GRAMD1C: variants seen among roughly 807,000 people sequenced by gnomAD.
GRAMD1C encodes GRAM domain containing 1C, also known as protein Aster-C.
GRAMD1C carries 89 observed loss-of-function variants against 97.8 expected under a neutral mutation model. That is an observed-to-expected ratio of 0.91 (90% CI 0.77 to 1.09). GRAMD1C has a LOEUF of 1.09. Among genes scored for constraint, GRAMD1C ranks in the 50% least tolerant of loss-of-function variants. The pLI is 0.00. For synonymous variants in GRAMD1C, 256 were observed against 267.0 expected, an observed-to-expected ratio of 0.96 and a Z score of 0.40; for missense variants, 740 against 766.4, an observed-to-expected ratio of 0.97 and a Z score of 0.41.
At chr3:113,925,743 C>T (rs1243760222) in intron 10 of GRAMD1C, among the ~76,000 whole-genome samples, 1 of 152,074 alleles carries the variant, frequency 6.6e-6, no homozygotes, top group African/African-American at 2.4e-5. Context: ...TGTTTAGCAC[C>T]ACCTTGAAGA....
chr3:113,862,818 A>G (rs978396226), intron 2 of GRAMD1C, among the ~76,000 whole-genome samples: 9 of 152,170 alleles, frequency 5.9e-5, no homozygotes, highest in Admixed American at 5.9e-4. Context: ...AATCTTCACA[A>G]TTTATGTTCT....
chr3:113,885,805 A>G (rs1199494807), intron 6 of GRAMD1C: 26 of 1,610,250 alleles, frequency 1.6e-5, no homozygotes, highest in Middle Eastern at 4.0e-4. Context: ...AGCTACATCA[A>G]GGACCTCTCT....
intron 5 of GRAMD1C, 49 bp downstream of exon 5, chr3:113,876,309 C>G (rs2712350): frequency 1 from 935,649 of 939,808 alleles, 465,873 homozygotes; most frequent in East Asian, 1. Context: ...AAGAAAATCT[C>G]CCTCATACTC....
intron 6 of GRAMD1C, among the ~76,000 whole-genome samples, chr3:113,884,140 T>A (rs932388375): frequency 1.3e-5 from 2 of 152,178 alleles, no homozygotes; most frequent in Admixed American, 1.3e-4. Context: ...CACCAAACAG[T>A]AGCAGAATAT....
At position 113,869,500 on chromosome 3, in the gene GRAMD1C, G is replaced by T. The variant is rs760278065; in HGVS notation, c.175-7G>T. On this transcript the variant is annotated splice_region_variant and splice_polypyrimidine_tract_variant and intron_variant, in intron 2 of 17. Transcript: ENST00000358160. ...TAGACAGAAATGTAATCTTTTTATT[G>T]TTGCAGATTTCAAGTTCCACCTATA... The T allele has an allele frequency of 3.8e-6, 5 of 1,324,366 alleles. No individual in the cohort carries two copies. In the South Asian group the frequency reaches 6.3e-5, roughly 17 times the overall value. 82.0% of individuals were successfully genotyped at this position (1,324,366 alleles called of 1,614,324 possible).
intron 5 of GRAMD1C, among the ~76,000 whole-genome samples, chr3:113,877,909 C>T (rs962814190): frequency 6.6e-6 from 1 of 152,052 alleles, no homozygotes; most frequent in Non-Finnish European, 1.5e-5. Context: ...TCCCAAGTAG[C>T]TGGGATTACA....
At chr3:113,877,038 G>T (rs1358332025) in intron 5 of GRAMD1C, among the ~76,000 whole-genome samples, 1 of 151,960 alleles carries the variant, frequency 6.6e-6, no homozygotes, top group Admixed American at 6.6e-5. Context: ...TTTAGAGACA[G>T]GGTCTTGCCA....
At chr3:113,840,591 A>G (rs956808726) in intron 1 of GRAMD1C, among the ~76,000 whole-genome samples, 3 of 152,156 alleles carry the variant, frequency 2.0e-5, no homozygotes, top group African/African-American at 7.2e-5. Context: ...AATAAAAAAA[A>G]AAAAGAAAGA....
intron 5 of GRAMD1C, among the ~76,000 whole-genome samples, chr3:113,877,413 A>ACAGACT (rs1935089319): frequency 1.3e-5 from 2 of 152,166 alleles, no homozygotes; most frequent in Admixed American, 1.3e-4. Flanking sequence ...TTTATAGCAA[A>ACAGACT]CAGACTCAGT....
At chr3:113,898,403 A>C (rs1297606315) in intron 6 of GRAMD1C, among the ~76,000 whole-genome samples, 2 of 152,144 alleles carry the variant, frequency 1.3e-5, no homozygotes, top group African/African-American at 4.8e-5. Context: ...AAGACACTAA[A>C]ATATTTCAAA....
chr3:113,917,606 G>A (rs1378690286), intron 10 of GRAMD1C, among the ~76,000 whole-genome samples: 1 of 151,918 alleles, frequency 6.6e-6, no homozygotes, highest in Non-Finnish European at 1.5e-5. Context: ...ACAAGAATGA[G>A]CCACTGCACC....
intron 10 of GRAMD1C, among the ~76,000 whole-genome samples, chr3:113,920,991 G>A (rs2107349084): frequency 6.6e-6 from 1 of 152,292 alleles, no homozygotes; most frequent in South Asian, 2.1e-4. Context: ...GGAGTTTGGT[G>A]TACAGATTAG....
At chr3:113,829,451 C>T (rs1173719199) in intron 1 of GRAMD1C, among the ~76,000 whole-genome samples, 1 of 152,068 alleles carries the variant, frequency 6.6e-6, no homozygotes, top group African/African-American at 2.4e-5. Flanking sequence ...CTCAAGAAAC[C>T]CTCCAAAACC....
upstream of GRAMD1C, among the ~76,000 whole-genome samples, chr3:113,838,011 A>T: frequency 6.6e-6 from 1 of 152,254 alleles, no homozygotes; most frequent in Non-Finnish European, 1.5e-5. Flanking sequence ...GCAGCCTCCA[A>T]GTAGCAGGTG....
chr3:113,841,054 A>C (rs968006981), intron 1 of GRAMD1C, among the ~76,000 whole-genome samples: 1 of 152,208 alleles, frequency 6.6e-6, no homozygotes, highest in South Asian at 2.1e-4. Flanking sequence ...TGAACAGAAC[A>C]TATTAGCCAA....
intron 6 of GRAMD1C, among the ~76,000 whole-genome samples, chr3:113,898,803 A>G (rs1936034892): frequency 6.6e-6 from 1 of 152,112 alleles, no homozygotes. Context: ...AGATAATTGG[A>G]TATTTTTGAC....
intron 6 of GRAMD1C, among the ~76,000 whole-genome samples, chr3:113,899,421 G>A (rs1936061374): frequency 1.3e-5 from 2 of 151,578 alleles, no homozygotes; most frequent in Admixed American, 6.6e-5. Flanking sequence ...ATTATATCTT[G>A]TCATATAACT....
At chr3:113,921,050 T>G (rs961343092) in intron 10 of GRAMD1C, among the ~76,000 whole-genome samples, 1 of 152,162 alleles carries the variant, frequency 6.6e-6, no homozygotes, top group African/African-American at 2.4e-5. Context: ...GTTTTCAGTC[T>G]TTACCCTCCT....
chr3:113,901,607 T>C lies in GRAMD1C; in HGVS notation c.656+461T>C, dbSNP rs548468270. Among the ~76,000 whole-genome samples the C allele has an allele frequency of 5.9e-5, 9 of 152,298 alleles. No individual in the cohort carries two copies. The East Asian group carries it at 1.2e-3, about 20-fold the overall frequency. On this transcript the variant is annotated intron_variant, in intron 7 of 17. Transcript: ENST00000358160. ...CATATAGCCTACCGTGGAATGCAAATAATTGTAATACAAGGTCGATAATGG... is the reference window on the plus strand; with the variant it reads ...CATATAGCCTACCGTGGAATGCAAACAATTGTAATACAAGGTCGATAATGG...
Sources: allele counts gnomAD v4.1 joint callset (sites outside exome capture counted in the v4.1 genomes callset), GRCh38; gene constraint gnomAD v4.1.1; transcripts MANE v1.5; gene names NCBI Gene and HGNC (gene_info 2026-07-23, HGNC 2026-07-21).